PHF21B: variants seen among roughly 807,000 people sequenced by gnomAD.
PHF21B encodes PHD finger protein 4.
In PHF21B, 22 loss-of-function variants were observed where a neutral mutation model predicts 62.2. The ratio of observed to expected loss-of-function variants is 0.35; its 90% CI spans 0.25 to 0.51. PHF21B has a LOEUF of 0.51. Ranked by LOEUF, PHF21B falls within the 20% of genes least tolerant of loss-of-function variation. The pLI, the probability that PHF21B is intolerant of heterozygous loss-of-function variation, is 0.97. For synonymous variants in PHF21B, 341 were observed against 314.7 expected (o/e 1.08, Z -0.88); for missense variants, 701 against 707.9 (o/e 0.99, Z 0.11).
rs1569203137 is a variant in PHF21B, at chr22:44,883,236, C to T, written c.1446G>A (p.Leu482=). ...QRGTQSSLDR[L]RALLRLIQGE... ...CCTGTATCAGTCTCAGGAGGGCCCGCAGGCGGTCCAGGGATGACTGGGTGC... is the reference window on the plus strand; with the variant it reads ...CCTGTATCAGTCTCAGGAGGGCCCGTAGGCGGTCCAGGGATGACTGGGTGC... Residue 482 remains leucine, a synonymous_variant, in exon 13 of 13, where the codon CTG becomes CTA. Transcript: ENST00000313237. 1 of 1,613,864 alleles carries T rather than the reference C, an allele frequency of 6.2e-7. No individual in the cohort carries two copies. The highest frequency in any genetic ancestry group is 1.3e-5 in the African/African-American group (1 of 74,924).
At chr22:45,006,874 A>G (rs1443924475) in intron 2 of PHF21B, among the ~76,000 whole-genome samples, 1 of 151,632 alleles carries the variant, frequency 6.6e-6, no homozygotes, top group Non-Finnish European at 1.5e-5. Flanking sequence ...TTTTTTAAAG[A>G]AAGTATCTGA....
intron 6 of PHF21B, among the ~76,000 whole-genome samples, chr22:44,894,794 G>A (rs1218357967): frequency 1.3e-5 from 2 of 152,180 alleles, no homozygotes; most frequent in African/African-American, 2.4e-5. Context: ...GGGACATAAA[G>A]GGAGAGGGCT....
chr22:44,999,077 C>T (rs1334155585), intron 2 of PHF21B, among the ~76,000 whole-genome samples: 2 of 152,156 alleles, frequency 1.3e-5, no homozygotes, highest in Non-Finnish European at 2.9e-5. Context: ...ATAGTACGGC[C>T]CAATCGGAGC....
chr22:44,995,141 G>C (rs1601691443), intron 2 of PHF21B, among the ~76,000 whole-genome samples: 1 of 152,178 alleles, frequency 6.6e-6, no homozygotes, highest in African/African-American at 2.4e-5. Context: ...GGGGAGGTAT[G>C]GGGGGGATGA....
intron 5 of PHF21B, among the ~76,000 whole-genome samples, chr22:44,907,271 G>A (rs909708455): frequency 9.2e-5 from 14 of 152,350 alleles, no homozygotes; most frequent in African/African-American, 3.1e-4. Flanking sequence ...CTGAAATCAG[G>A]AGGCATCTGA....
At position 44,951,261 on chromosome 22, in the gene PHF21B, T is replaced by C. The variant is rs1021943026; in HGVS notation, c.121-30771A>G. On this transcript the variant is annotated intron_variant, in intron 2 of 12. Transcript: ENST00000313237. ...CAGCTCCACCGCAGATCATCGGGCA[T>C]TAGATTCTCATAAGGAGTGCACAGC... Among the ~76,000 whole-genome samples, 17 of 152,218 alleles carry C rather than the reference T, an allele frequency of 1.1e-4. 1 individual carries two copies.
chr22:44,887,824 C>G, intron 10 of PHF21B, 139 bp downstream of exon 10: 1 of 894,384 alleles, frequency 1.1e-6, no homozygotes. Flanking sequence ...TTATCCAGCC[C>G]CAAATGTCAA....
At chr22:45,008,848 AC>A in intron 1 of PHF21B, 1 of 1,172,748 alleles carries the variant, frequency 8.5e-7, no homozygotes, top group Non-Finnish European at 1.1e-6. Flanking sequence ...GGCCGAGGCC[AC>A]CCGGCGGCGC....
intron 2 of PHF21B, among the ~76,000 whole-genome samples, chr22:44,943,353 C>T (rs748930691): frequency 1.1e-4 from 17 of 152,126 alleles, no homozygotes; most frequent in Admixed American, 2.6e-4. Context: ...AGAGCTGGCC[C>T]GGGGAGGCCA....
chr22:44,916,596 G>A lies in PHF21B; in HGVS notation c.248C>T (p.Pro83Leu). 2 of 1,603,976 alleles carry A rather than the reference G, an allele frequency of 1.2e-6. No homozygotes were observed. The highest frequency in any genetic ancestry group is 1.7e-6 in the Non-Finnish European group (2 of 1,179,934). ...RPKTLIPDSL[P>L]VAPGRDRPPK... ...TGGCCGGTCCCGGCCCGGGGCAACG[G>A]GGAGGCTGTCTGGAATCAGAGTCTT... Residue 83 changes from proline (P) to leucine (L), a missense_variant, in exon 4 of 13, where the codon CCC (proline) becomes CTC (leucine). By Grantham distance (98) the Pro-to-Leu change is moderately conservative. Transcript: ENST00000313237.
chr22:44,997,470 G>T (rs568748978), intron 2 of PHF21B, among the ~76,000 whole-genome samples: 8 of 152,098 alleles, frequency 5.3e-5, no homozygotes, highest in African/African-American at 1.9e-4. Context: ...ATTCAATGGG[G>T]CTGTCAACCC....
chr22:44,991,058 C>T (rs1348242408), intron 2 of PHF21B, among the ~76,000 whole-genome samples: 4 of 152,314 alleles, frequency 2.6e-5, no homozygotes, highest in Admixed American at 6.5e-5. Context: ...AGGGCTGTCA[C>T]GAGGGTGCCG....
At chr22:44,896,960 C>T (rs2071072368) in intron 5 of PHF21B, among the ~76,000 whole-genome samples, 2 of 143,444 alleles carry the variant, frequency 1.4e-5, no homozygotes, top group Non-Finnish European at 3.0e-5. Context: ...CTCACTGCAG[C>T]TTCAATCTCT....
At chr22:44,912,431 A>C (rs1365943618) in intron 5 of PHF21B, among the ~76,000 whole-genome samples, 1 of 152,128 alleles carries the variant, frequency 6.6e-6, no homozygotes, top group Non-Finnish European at 1.5e-5. Flanking sequence ...GTGGGAAGTA[A>C]CTGAATTATG....
chr22:45,008,516 C>A, intron 2 of PHF21B, 29 bp downstream of exon 2: 2 of 1,536,356 alleles, frequency 1.3e-6, no homozygotes, highest in East Asian at 2.5e-5. Context: ...CCGCCCCATC[C>A]CAGGGGGGGC....
rs960548494 is a variant in PHF21B at position 44,954,393 on chromosome 22, T to C, written c.121-33903A>G. On this transcript the variant is annotated intron_variant, in intron 2 of 12. Coordinates refer to ENST00000313237, the MANE Select transcript of PHF21B (RefSeq NM_138415.5). ...TTGGATCTGGATCTTGCCAGATTCC[T>C]CTCTCCCTACCTGGTGCCCAATGCC... Among the ~76,000 whole-genome samples, 3 of 152,120 alleles carry C rather than the reference T, an allele frequency of 2.0e-5. No individual in the cohort carries two copies. In the South Asian group the frequency reaches 6.2e-4, roughly 31 times the overall value.
In PHF21B at chr22:44,956,634, C is replaced by T. The variant is rs115148514; in HGVS notation, c.121-36144G>A. ...ACGAGGCGGCTGCTGCCCAGGGAGACCTCGAGGGACCCTCCACAAGCGACC... is the reference window on the plus strand; with the variant it reads ...ACGAGGCGGCTGCTGCCCAGGGAGATCTCGAGGGACCCTCCACAAGCGACC... On this transcript the variant is annotated intron_variant, in intron 2 of 12. Transcript: ENST00000313237. Among the ~76,000 whole-genome samples the T allele has an allele frequency of 1.6e-3, 241 of 151,092 alleles. 1 individual carries two copies. The highest frequency in any genetic ancestry group is 5.6e-3 in the African/African-American group (226 of 40,482).
intron 2 of PHF21B, among the ~76,000 whole-genome samples, chr22:44,983,487 T>C (rs2072880278): frequency 6.6e-6 from 1 of 152,056 alleles, no homozygotes; most frequent in South Asian, 2.1e-4. Context: ...GAACAAAGAC[T>C]GCAGGGAGGG....
chr22:44,976,330 A>G (rs1025713396), intron 2 of PHF21B, among the ~76,000 whole-genome samples: 2 of 152,150 alleles, frequency 1.3e-5, no homozygotes, highest in Non-Finnish European at 2.9e-5. Context: ...AACACTCAAA[A>G]TCCTCTCTTC....
Sources: gnomAD v4.1 joint callset for allele counts (sites outside exome capture counted in the v4.1 genomes callset) on GRCh38, gnomAD v4.1.1 for gene constraint, MANE v1.5 for transcripts, NCBI Gene and HGNC (gene_info 2026-07-23, HGNC 2026-07-21) for gene names.